GLYR1: variants seen among roughly 807,000 people sequenced by gnomAD.
GLYR1 encodes the protein glyoxylate reductase 1 homolog.
Under a neutral mutation model 72.7 loss-of-function variants are expected in GLYR1, and 21 were observed. The ratio of observed to expected loss-of-function variants is 0.29; its 90% CI spans 0.20 to 0.42. The LOEUF is 0.42. GLYR1 is among the 10% of genes least tolerant of loss of function. The pLI is 1.00. For synonymous variants in GLYR1, 392 were observed against 270.2 expected (o/e 1.45, Z -4.42); for missense variants, 594 against 712.1 (o/e 0.83, Z 1.89).
chr16:4,806,115 G>A (rs952443570), intron 15 of GLYR1, among the ~76,000 whole-genome samples: 1 of 152,212 alleles, frequency 6.6e-6, no homozygotes, highest in African/African-American at 2.4e-5. Flanking sequence ...TCTGCCCCCA[G>A]GGGACATCTG....
chr16:4,824,036 G>T, intron 5 of GLYR1, 129 bp from the exon 6 acceptor site: 1 of 636,472 alleles, frequency 1.6e-6, no homozygotes, highest in Non-Finnish European at 2.8e-6. Context: ...TCCCTCGGGA[G>T]AAACAAGCCA....
At chr16:4,835,784 T>G (rs989340920) in intron 3 of GLYR1, among the ~76,000 whole-genome samples, 4 of 152,162 alleles carry the variant, frequency 2.6e-5, no homozygotes, top group African/African-American at 9.7e-5. Flanking sequence ...TGAGCCAGTA[T>G]TGTGCCACTG....
rs1024632311 is a variant in GLYR1 at position 4,804,205 on chromosome 16, G to C, written c.*1031C>G. The C allele has an allele frequency of 6.5e-6, 1 of 152,818 alleles. No individual in the cohort carries two copies. The highest frequency in any genetic ancestry group is 1.5e-5 in the Non-Finnish European group (1 of 68,300). The allele number at this position is 152,818 out of a possible 1,614,324, so 9.5% of individuals were successfully genotyped here. ...TGTCTCCACGGGAGGAAGAGGGAGAGGAGGGAGGATGGAGAGCGGTGGGCA... is the reference window on the plus strand; with the variant it reads ...TGTCTCCACGGGAGGAAGAGGGAGACGAGGGAGGATGGAGAGCGGTGGGCA... On this transcript the variant is annotated 3_prime_UTR_variant, in exon 16 of 16. Transcript: ENST00000321919.
At chr16:4,828,610 G>A (rs1389843527) in intron 5 of GLYR1, among the ~76,000 whole-genome samples, 1 of 152,002 alleles carries the variant, frequency 6.6e-6, no homozygotes, top group African/African-American at 2.4e-5. Flanking sequence ...CTGGGCAGTG[G>A]CCTCTGGGGT....
intron 3 of GLYR1, among the ~76,000 whole-genome samples, chr16:4,837,389 CT>C (rs2142030900): frequency 6.6e-6 from 1 of 151,536 alleles, no homozygotes; most frequent in South Asian, 2.1e-4. Flanking sequence ...GCAGATCGTG[CT>C]ACTGCACTCC....
chr16:4,811,675 G>A lies in GLYR1; in HGVS notation c.1410C>T (p.Asp470=), dbSNP rs2141953813. 1.2e-6 allele frequency: 2 copies of A among 1,614,230 alleles called. No homozygotes were observed. Among genetic ancestry groups the A allele is most frequent in the South Asian group, 2.2e-5 (2 of 91,084 alleles). The change falls in exon 14 of 16, where the codon GAC becomes GAT. Residue 470 remains aspartate, a synonymous_variant. Coordinates refer to ENST00000321919, the MANE Select transcript of GLYR1 (RefSeq NM_032569.4). The stretch of plus-strand genomic sequence containing the variant: ...TGGCCAACTGTCCCTGATTGAGGAT[G>A]TCCAAGAGTGTCTGCTGGGACTGGC... ...VTGQSQQTLL[D]ILNQGQLASI...
chr16:4,811,490 G>A (rs2083320387), intron 14 of GLYR1, 133 bp downstream of exon 14: 3 of 1,301,838 alleles, frequency 2.3e-6, no homozygotes, highest in South Asian at 1.3e-5. Flanking sequence ...CGCCCACTGT[G>A]TTTCTGAACC....
chr16:4,826,730 T>G (rs1486925755), intron 5 of GLYR1, among the ~76,000 whole-genome samples: 1 of 152,184 alleles, frequency 6.6e-6, no homozygotes, highest in Non-Finnish European at 1.5e-5. Flanking sequence ...CAGTCAAGCG[T>G]CACTGTGGAG....
chr16:4,843,443 C>T (rs1802763173), intron 3 of GLYR1: 3 of 1,214,642 alleles, frequency 2.5e-6, no homozygotes, highest in Admixed American at 6.1e-5. Flanking sequence ...GCCTGAGGCA[C>T]CATGCCCGGC....
chr16:4,817,928 C>A, intron 9 of GLYR1: 1 of 500,788 alleles, frequency 2.0e-6, no homozygotes, highest in Non-Finnish European at 3.6e-6. Context: ...TTTTGAAACC[C>A]CTGACTGTCA....
In GLYR1 at chr16:4,840,353, G is replaced by C. The variant is rs565358030; in HGVS notation, c.155+4721C>G. ...TTTTCTGGATCTTGGCCAATTCTAA[G>C]AGATCCCTTTGAAAGCATGATCTGA... On this transcript the variant is annotated intron_variant, in intron 3 of 15. Coordinates refer to ENST00000321919, the MANE Select transcript of GLYR1 (RefSeq NM_032569.4). The C allele has an allele frequency of 2.6e-5, 4 of 152,332 alleles. No individual in the cohort carries two copies. In the East Asian group the frequency reaches 7.7e-4, roughly 29 times the overall value. The allele number at this position is 152,332 out of a possible 1,614,324, so 9.4% of individuals were successfully genotyped here. A position where few individuals can be genotyped will look rare whatever the true frequency, so the allele number is the denominator to read the frequency against.
chr16:4,845,793 T>C (rs1431445118), intron 2 of GLYR1, among the ~76,000 whole-genome samples: 2 of 152,364 alleles, frequency 1.3e-5, no homozygotes, highest in South Asian at 2.1e-4. Context: ...AAAGAAGATT[T>C]AAACTTAGTT....
In GLYR1 at chr16:4,803,439, C is replaced by G. The variant is rs1435565805; in HGVS notation, c.*1797G>C. Reference sequence around the variant, plus strand: ...AGCTTTTTCACAAGTGTCACATTTTCTCCTTAAAAGGGAAGGATTTCAAAA... The same window carrying G: ...AGCTTTTTCACAAGTGTCACATTTTGTCCTTAAAAGGGAAGGATTTCAAAA... On this transcript the variant is annotated 3_prime_UTR_variant, in exon 16 of 16. Coordinates refer to ENST00000321919, the MANE Select transcript of GLYR1 (RefSeq NM_032569.4). 1.3e-5 allele frequency: 2 copies of G among 152,618 alleles called. No homozygotes were observed. Among genetic ancestry groups the G allele is most frequent in the African/African-American group, 2.4e-5 (1 of 41,428 alleles). The allele number at this position is 152,618 out of a possible 1,614,324, so 9.5% of individuals were successfully genotyped here.
At chr16:4,813,543 G>GACT in intron 12 of GLYR1, among the ~76,000 whole-genome samples, 194 bp downstream of exon 12, 1 of 152,270 alleles carries the variant, frequency 6.6e-6, no homozygotes, top group East Asian at 1.9e-4. Context: ...GCCATGCAGC[G>GACT]ACTGCCCATG....
chr16:4,818,241 C>T (rs113267548), intron 9 of GLYR1, among the ~76,000 whole-genome samples: 12,254 of 152,252 alleles, frequency 0.08, 615 homozygotes, highest in African/African-American at 0.15. Flanking sequence ...GATCTGCCCA[C>T]CTCGGCCTCC....
chr16:4,840,549 T>C (rs1011310339), intron 3 of GLYR1, among the ~76,000 whole-genome samples: 1 of 151,702 alleles, frequency 6.6e-6, no homozygotes, highest in Admixed American at 6.6e-5. Context: ...ACACACACAC[T>C]CTCTCTCTCT....
At chr16:4,829,695 C>T (rs1011865018) in intron 5 of GLYR1, among the ~76,000 whole-genome samples, 37 of 146,020 alleles carry the variant, frequency 2.5e-4, no homozygotes, top group East Asian at 2.0e-4. Flanking sequence ...TTCTTTGAGA[C>T]GGAGTCTCAC....
At position 4,803,533 on chromosome 16, in the gene GLYR1, G is replaced by C. The variant is rs1484819201; in HGVS notation, c.*1703C>G. The C allele has an allele frequency of 6.6e-6, 1 of 152,516 alleles. No individual in the cohort carries two copies. The highest frequency in any genetic ancestry group is 2.4e-5 in the African/African-American group (1 of 41,414). The allele number at this position is 152,516 out of a possible 1,614,324, so 9.4% of individuals were successfully genotyped here. ...TTTACAGAATTGTCAACAATATTAA[G>C]ACAAAATTGACTAACCGGTTTCATT... On this transcript the variant is annotated 3_prime_UTR_variant, in exon 16 of 16. Coordinates refer to ENST00000321919, the MANE Select transcript of GLYR1 (RefSeq NM_032569.4).
intron 15 of GLYR1, among the ~76,000 whole-genome samples, chr16:4,808,465 G>A (rs1386833381): frequency 6.6e-6 from 1 of 151,934 alleles, no homozygotes; most frequent in Non-Finnish European, 1.5e-5. Flanking sequence ...AGGAGTACTG[G>A]CAGGCACCTG....
Sources: allele counts gnomAD v4.1 joint callset (sites outside exome capture counted in the v4.1 genomes callset), GRCh38; gene constraint gnomAD v4.1.1; transcripts MANE v1.5; gene names NCBI Gene and HGNC (gene_info 2026-07-23, HGNC 2026-07-21).